PXDN: variants seen among roughly 807,000 people sequenced by gnomAD.
PXDN encodes peroxidasin homolog.
A neutral mutation model predicts 140.3 loss-of-function variants in PXDN; 77 were observed. That is an observed-to-expected ratio of 0.55 (90% CI 0.46 to 0.66). The LOEUF (loss-of-function observed/expected upper bound fraction) is 0.66, where lower values mean the gene tolerates loss of function less well. Ranked by LOEUF, PXDN falls within the 30% of genes least tolerant of loss-of-function variation. The pLI is 0.00. For missense variants in PXDN, 1,838 were observed against 2,039.5 expected (o/e 0.90, Z 1.90); for synonymous variants, 911 against 857.4 (o/e 1.06, Z -1.09).
chr2:1,733,225 A>G (rs1023346340), intron 1 of PXDN, among the ~76,000 whole-genome samples: 1 of 152,270 alleles, frequency 6.6e-6, no homozygotes, highest in Admixed American at 6.5e-5. Flanking sequence ...CACAGGTCCA[A>G]AAATTTAAAA....
At chr2:1,738,652 G>A (rs999110310) in intron 1 of PXDN, among the ~76,000 whole-genome samples, 1 of 151,794 alleles carries the variant, frequency 6.6e-6, no homozygotes, top group African/African-American at 2.4e-5. Context: ...AGGCTCAAGC[G>A]ATTCTCATGC....
chr2:1,653,644 G>C lies in PXDN; in HGVS notation c.2088C>G (p.Val696=). 2 of 1,612,734 alleles carry C rather than the reference G, an allele frequency of 1.2e-6. No individual in the cohort carries two copies. The highest frequency in any genetic ancestry group is 2.7e-5 in the African/African-American group (2 of 75,018). ...IQEHVQHGLM[V]DLNGTSYHYN... Reference sequence around the variant, plus strand: ...GGCACTGACTTGTTCCGTTGAGGTCGACCATCAAGCCATGCTGTACATGCT... The same window carrying C: ...GGCACTGACTTGTTCCGTTGAGGTCCACCATCAAGCCATGCTGTACATGCT... Residue 696 remains valine (V), a synonymous_variant, in exon 16 of 23, where the codon GTC becomes GTG. Transcript: ENST00000252804.
At chr2:1,684,437 T>G in intron 4 of PXDN, among the ~76,000 whole-genome samples, 1 of 152,218 alleles carries the variant, frequency 6.6e-6, no homozygotes, top group African/African-American at 2.4e-5. Context: ...AGTGCTGGCC[T>G]GGCCTGACTC....
Position 1,648,867 on chromosome 2 carries a change from G to T in PXDN, c.2913C>A (p.Phe971Leu). 1 of 1,602,052 alleles carries T rather than the reference G, an allele frequency of 6.2e-7. No individual in the cohort carries two copies. Among genetic ancestry groups the T allele is most frequent in the Non-Finnish European group, 8.5e-7 (1 of 1,177,254 alleles). ...CGTTGGCGCGGTGGTCCCCGGCCAGGAAGCAGGGGATGGGGCTCTCGTTCT... is the reference window on the plus strand; with the variant it reads ...CGTTGGCGCGGTGGTCCCCGGCCAGTAAGCAGGGGATGGGGCTCTCGTTCT... ...RDENESPIPC[F>L]LAGDHRANEQ... The change falls in exon 17 of 23, where the codon TTC becomes TTA. Residue 971 changes from phenylalanine to leucine, a missense_variant. By Grantham distance (22) the Phe-to-Leu change is conservative. Coordinates refer to ENST00000252804, the MANE Select transcript of PXDN (RefSeq NM_012293.3). The surrounding 1 kb of genome is among the most constrained non-coding windows in gnomAD (Gnocchi z 8.9).
intron 14 of PXDN, among the ~76,000 whole-genome samples, chr2:1,659,520 TATCTACCTTTTTATAAAAGGAAAAGGA>T (rs546929271): frequency 1.3e-5 from 2 of 152,326 alleles, no homozygotes; most frequent in African/African-American, 4.8e-5. Context: ...AGCATTTCTT[TATCTACCTTTTTATAAAAGGAAAAGGA>T]ATCCAACCAT....
chr2:1,718,586 C>T (rs952273330), intron 1 of PXDN, among the ~76,000 whole-genome samples: 7 of 152,210 alleles, frequency 4.6e-5, no homozygotes, highest in South Asian at 2.1e-4. Context: ...TTAACCTATG[C>T]CACTAACTTA....
In PXDN at chr2:1,632,594, C is replaced by T. The variant is rs1346797592; in HGVS notation, c.*1610G>A. On this transcript the variant is annotated 3_prime_UTR_variant, in exon 23 of 23. Coordinates refer to ENST00000252804, the MANE Select transcript of PXDN (RefSeq NM_012293.3). The surrounding 1 kb of genome is among the most constrained non-coding windows in gnomAD (Gnocchi z 4.3). ...TTCCTCACAGCTGAAATGCTGCCTCCGCCGCAGCAACTTGGCCGGCCCGTG... is the reference window on the plus strand; with the variant it reads ...TTCCTCACAGCTGAAATGCTGCCTCTGCCGCAGCAACTTGGCCGGCCCGTG... 3.3e-5 allele frequency: 5 copies of T among 152,244 alleles called. No individual in the cohort carries two copies. The highest frequency in any genetic ancestry group is 6.5e-5 in the Admixed American group (1 of 15,274). The allele number at this position is 152,244 out of a possible 1,614,324, so 9.4% of individuals were successfully genotyped here.
At chr2:1,711,560 G>C (rs1336359872) in intron 1 of PXDN, among the ~76,000 whole-genome samples, 2 of 106,380 alleles carry the variant, frequency 1.9e-5, no homozygotes, top group Non-Finnish European at 1.8e-5. Flanking sequence ...CTCTCCACCA[G>C]CATCCACTCT....
chr2:1,717,603 G>C (rs986578850), intron 1 of PXDN, among the ~76,000 whole-genome samples: 1 of 55,396 alleles, frequency 1.8e-5, no homozygotes, highest in Non-Finnish European at 3.1e-5. Context: ...ATTTATAGAA[G>C]GTCTTCTAAT....
At chr2:1,725,558 A>G (rs1020520101) in intron 1 of PXDN, among the ~76,000 whole-genome samples, 1 of 152,146 alleles carries the variant, frequency 6.6e-6, no homozygotes, top group African/African-American at 2.4e-5. Context: ...AATGGCAACA[A>G]AAGCCAAAAT....
intron 21 of PXDN, chr2:1,636,047 G>A (rs73910806): frequency 0.013 from 3,146 of 234,942 alleles, 85 homozygotes; most frequent in African/African-American, 0.068. Context: ...GGGGCAGACA[G>A]GGTGACAGTG....
At chr2:1,709,047 C>A (rs1017499001) in intron 1 of PXDN, among the ~76,000 whole-genome samples, 2 of 152,194 alleles carry the variant, frequency 1.3e-5, no homozygotes, top group Non-Finnish European at 2.9e-5. Flanking sequence ...GAGCTGGTGG[C>A]CGGTCTTCCC....
chr2:1,719,542 C>T (rs1041937587), intron 1 of PXDN, among the ~76,000 whole-genome samples: 8 of 152,218 alleles, frequency 5.3e-5, no homozygotes, highest in African/African-American at 9.6e-5. Flanking sequence ...CCTCTAACAG[C>T]GGCCTCCAGG....
intron 1 of PXDN, among the ~76,000 whole-genome samples, chr2:1,723,928 TA>T (rs1685113672): frequency 1.3e-5 from 2 of 152,236 alleles, no homozygotes; most frequent in Non-Finnish European, 2.9e-5. Context: ...TTTTAAAAGT[TA>T]AAAGTGTTGC....
Position 1,644,600 on chromosome 2 carries a change from T to C in PXDN, c.3743+18A>G. 1 of 1,578,086 alleles carries C rather than the reference T, an allele frequency of 6.3e-7. No homozygotes were observed. The highest frequency in any genetic ancestry group is 8.6e-7 in the Non-Finnish European group (1 of 1,157,900). On this transcript the variant is annotated intron_variant, in intron 18 of 22. Coordinates refer to ENST00000252804, the MANE Select transcript of PXDN (RefSeq NM_012293.3). ...GGTGGCTTAGGAGCGTGCTCCCCTTTCTGGTGCACGTGCTCACCTGTCCCC... is the reference window on the plus strand; with the variant it reads ...GGTGGCTTAGGAGCGTGCTCCCCTTCCTGGTGCACGTGCTCACCTGTCCCC...
chr2:1,689,229 T>C (rs1320971688), intron 3 of PXDN, among the ~76,000 whole-genome samples: 1 of 152,242 alleles, frequency 6.6e-6, no homozygotes, highest in Non-Finnish European at 1.5e-5. Flanking sequence ...TCTTACAATA[T>C]GGCCCCTGCA....
intron 1 of PXDN, among the ~76,000 whole-genome samples, chr2:1,733,507 C>T (rs780380523): frequency 1.3e-5 from 2 of 152,032 alleles, no homozygotes; most frequent in South Asian, 2.1e-4. Context: ...TTTGGGAGGC[C>T]GAGGCGGGTG....
At chr2:1,644,799 T>A in intron 17 of PXDN, 47 bp from the exon 18 acceptor site, 1 of 1,364,772 alleles carries the variant, frequency 7.3e-7, no homozygotes, top group Non-Finnish European at 9.5e-7. Context: ...AAGCTGCACG[T>A]GGTAAAAAAT....
At chr2:1,728,346 C>T (rs543713264) in intron 1 of PXDN, among the ~76,000 whole-genome samples, 4 of 152,256 alleles carry the variant, frequency 2.6e-5, no homozygotes, top group African/African-American at 9.6e-5. Context: ...GGTCCCTGGG[C>T]CCTCAGCACA....
Sources: allele counts gnomAD v4.1 joint callset (sites outside exome capture counted in the v4.1 genomes callset), GRCh38; gene constraint gnomAD v4.1.1; non-coding constraint Gnocchi (gnomAD v3.1); transcripts MANE v1.5; gene names NCBI Gene and HGNC (gene_info 2026-07-23, HGNC 2026-07-21).